The following CMC1 variants were observed in gnomAD, a reference collection of about 807,000 sequenced individuals.
CMC1 encodes COX assembly mitochondrial protein homolog.
Under a neutral mutation model 14.1 loss-of-function variants are expected in CMC1, and 14 were observed. The observed-to-expected ratio is 0.99, with a 90% CI of 0.66 to 1.55. The LOEUF (loss-of-function observed/expected upper bound fraction) is 1.55. Among genes scored for constraint, CMC1 ranks in the 40% most tolerant of loss-of-function variants. CMC1 has a pLI of 0.00. For synonymous variants in CMC1, 50 were observed against 38.4 expected (o/e 1.30, Z -1.12); for missense variants, 127 against 123.8 (o/e 1.03, Z -0.12).
At chr3:28,243,346 G>A (rs569959398) in intron 1 of CMC1, among the ~76,000 whole-genome samples, 19 of 152,130 alleles carry the variant, frequency 1.2e-4, no homozygotes, top group Non-Finnish European at 2.4e-4. Flanking sequence ...GTGAGCCACC[G>A]CACCCAGCCT....
At chr3:28,319,319 T>C (rs1703098677) in intron 3 of CMC1, 190 bp from the exon 4 acceptor site, 2 of 633,510 alleles carry the variant, frequency 3.2e-6, no homozygotes, top group Non-Finnish European at 5.9e-6. Context: ...CAGTGCTATA[T>C]AAAAATGAAT....
intron 3 of CMC1, chr3:28,317,295 A>C (rs1031090584): frequency 6.6e-6 from 1 of 151,992 alleles, no homozygotes; most frequent in East Asian, 1.9e-4. Flanking sequence ...ACTCATCTCT[A>C]TATTTGCTAT....
chr3:28,318,971 G>T, intron 3 of CMC1: 1 of 239,534 alleles, frequency 4.2e-6, no homozygotes, highest in Non-Finnish European at 8.5e-6. Context: ...TTTGACTTTT[G>T]CCCATTCCAT....
rs991218363 is a variant in CMC1 at position 28,260,993 on chromosome 3, T to C, written c.20-2298T>C. ...ATTCCTTCAGATTTATTGAGATTTGTTTTATAGCCAGATTGTGGTTTATCT... is the reference window on the plus strand; with the variant it reads ...ATTCCTTCAGATTTATTGAGATTTGCTTTATAGCCAGATTGTGGTTTATCT... On this transcript the variant is annotated intron_variant, in intron 1 of 3. Transcript: ENST00000466830. Among the ~76,000 whole-genome samples the C allele has an allele frequency of 5.9e-5, 9 of 152,182 alleles. No individual in the cohort carries two copies. The East Asian group carries it at 1.5e-3, about 26-fold the overall frequency.
chr3:28,315,797 A>G (rs987093371), intron 2 of CMC1: 24 of 152,376 alleles, frequency 1.6e-4, no homozygotes, highest in African/African-American at 5.5e-4. Context: ...TGCCTGCAGT[A>G]TTCAGTACAG....
chr3:28,260,065 ATGATTATATGGTT>A (rs1699655591), intron 1 of CMC1, among the ~76,000 whole-genome samples: 1 of 152,072 alleles, frequency 6.6e-6, no homozygotes, highest in Admixed American at 6.5e-5. Context: ...TGGCATCGAT[ATGATTATATGGTT>A]TTCCTTTTTT....
intron 2 of CMC1, among the ~76,000 whole-genome samples, chr3:28,279,756 A>G (rs4522735): frequency 0.23 from 34,878 of 152,130 alleles, 4,465 homozygotes; most frequent in Middle Eastern, 0.3. Flanking sequence ...GGGGAAAAAA[A>G]AAGATTTAAA....
intron 1 of CMC1, among the ~76,000 whole-genome samples, chr3:28,246,033 G>T (rs553687696): frequency 6.6e-6 from 1 of 151,990 alleles, no homozygotes; most frequent in African/African-American, 2.4e-5. Context: ...GAACTCCTGG[G>T]CTCAAGTAAT....
intron 1 of CMC1, among the ~76,000 whole-genome samples, chr3:28,255,449 T>TA (rs1176432337): frequency 6.6e-6 from 1 of 151,950 alleles, no homozygotes; most frequent in African/African-American, 2.4e-5. Context: ...TTTCATCATA[T>TA]TGGCCAGGCT....
chr3:28,312,940 T>C (rs988599286), intron 2 of CMC1, among the ~76,000 whole-genome samples: 4 of 152,132 alleles, frequency 2.6e-5, no homozygotes, highest in African/African-American at 9.7e-5. Flanking sequence ...CACTGCAGCT[T>C]TCTCCTCCCG....
chr3:28,260,731 A>G (rs1699693504), intron 1 of CMC1, among the ~76,000 whole-genome samples: 1 of 152,066 alleles, frequency 6.6e-6, no homozygotes, highest in South Asian at 2.1e-4. Context: ...TTTTAGTGCT[A>G]CAAATTTCCT....
intron 2 of CMC1, among the ~76,000 whole-genome samples, chr3:28,309,617 C>G (rs1338953848): frequency 2.0e-5 from 3 of 152,084 alleles, no homozygotes; most frequent in African/African-American, 7.2e-5. Flanking sequence ...GACTATTGTA[C>G]TAACTTTCTA....
intron 2 of CMC1, among the ~76,000 whole-genome samples, chr3:28,282,573 T>C (rs1414201947): frequency 2.0e-5 from 3 of 152,178 alleles, no homozygotes. Flanking sequence ...TTTAGCTATG[T>C]TTAGCTAAAT....
At chr3:28,293,696 C>T (rs1267431223) in intron 2 of CMC1, among the ~76,000 whole-genome samples, 1 of 152,052 alleles carries the variant, frequency 6.6e-6, no homozygotes, top group African/African-American at 2.4e-5. Flanking sequence ...GTTTTTCTGC[C>T]TCAGCCTCCT....
chr3:28,244,601 C>T (rs763180664), intron 1 of CMC1, among the ~76,000 whole-genome samples: 4 of 152,188 alleles, frequency 2.6e-5, no homozygotes, highest in Non-Finnish European at 4.4e-5. Flanking sequence ...TGGTGGCACA[C>T]GCCTGTAGTC....
chr3:28,288,739 A>G (rs923534720), intron 2 of CMC1, among the ~76,000 whole-genome samples: 2 of 151,930 alleles, frequency 1.3e-5, no homozygotes, highest in Non-Finnish European at 2.9e-5. Context: ...TATGATGAAT[A>G]CATTTGTGTG....
chr3:28,289,529 A>T (rs1701361627), intron 2 of CMC1, among the ~76,000 whole-genome samples: 1 of 150,908 alleles, frequency 6.6e-6, no homozygotes, highest in Non-Finnish European at 1.5e-5. Flanking sequence ...AGCCAGGCAA[A>T]GAATTTTAGA....
rs150642070 is a variant in CMC1, at chr3:28,276,255, T to C, written c.109+12875T>C. On this transcript the variant is annotated intron_variant, in intron 2 of 3. Coordinates refer to ENST00000466830, the MANE Select transcript of CMC1 (RefSeq NM_182523.2). ...CAGCCATCTTGGCCCCAATGAAATA[T>C]TTAAATGCTAAAAATTTAAATGACA... Among the ~76,000 whole-genome samples the C allele has an allele frequency of 4.1e-4, 62 of 152,290 alleles. 1 individual carries two copies. The East Asian group carries it at 9.5e-3, about 23-fold the overall frequency.
intron 2 of CMC1, among the ~76,000 whole-genome samples, chr3:28,268,705 A>G (rs1470097926): frequency 6.6e-6 from 1 of 152,196 alleles, no homozygotes; most frequent in Non-Finnish European, 1.5e-5. Flanking sequence ...CATGCCTGCT[A>G]TGTTAACTCT....
Sources: gnomAD v4.1 joint callset for allele counts (sites outside exome capture counted in the v4.1 genomes callset) on GRCh38, gnomAD v4.1.1 for gene constraint, MANE v1.5 for transcripts, NCBI Gene and HGNC (gene_info 2026-07-23, HGNC 2026-07-21) for gene names.